The following SHC4 variants were observed in gnomAD, a reference collection of about 807,000 sequenced individuals.
SHC4 encodes SHC-transforming protein 4.
SHC4 carries 41 observed loss-of-function variants against 69.4 expected under a neutral mutation model. The ratio of observed to expected loss-of-function variants is 0.59; its 90% CI spans 0.46 to 0.77. The LOEUF (loss-of-function observed/expected upper bound fraction) is 0.77. SHC4 is among the 30% of genes least tolerant of loss of function. SHC4 has a pLI of 0.00. For missense variants in SHC4, 777 were observed against 783.8 expected, an observed-to-expected ratio of 0.99 and a Z score of 0.10; for synonymous variants, 318 against 299.3, an observed-to-expected ratio of 1.06 and a Z score of -0.64.
chr15:48,900,030 G>A (rs551443464), intron 2 of SHC4, among the ~76,000 whole-genome samples: 35 of 152,312 alleles, frequency 2.3e-4, no homozygotes, highest in African/African-American at 7.9e-4. Flanking sequence ...GTTAGTGCGT[G>A]TTAAGGAATG....
chr15:48,850,281 C>T (rs1365495006), intron 9 of SHC4, among the ~76,000 whole-genome samples: 2 of 151,894 alleles, frequency 1.3e-5, no homozygotes, highest in African/African-American at 2.4e-5. Context: ...TTCACTACTC[C>T]GTTTACAAGA....
At chr15:48,902,534 A>C (rs1900336036) in intron 2 of SHC4, among the ~76,000 whole-genome samples, 1 of 152,092 alleles carries the variant, frequency 6.6e-6, no homozygotes, top group African/African-American at 2.4e-5. Context: ...GGACAGAGGT[A>C]CTCATTCCTC....
intron 2 of SHC4, among the ~76,000 whole-genome samples, chr15:48,921,410 C>T (rs1479770122): frequency 6.6e-6 from 1 of 151,454 alleles, no homozygotes; most frequent in Non-Finnish European, 1.5e-5. Context: ...TCTCGGCTCA[C>T]TGCAACCTCC....
intron 4 of SHC4, 92 bp from the exon 5 acceptor site, chr15:48,872,234 T>G: frequency 1.3e-6 from 1 of 764,122 alleles, no homozygotes; most frequent in Non-Finnish European, 2.0e-6. Context: ...TTGTTTGTTT[T>G]GTTTTTGCCT....
In SHC4 at chr15:48,878,009, T is replaced by C. The variant is rs1437906291; in HGVS notation, c.841-5867A>G. 4.8e-5 allele frequency: 36 copies of C among 754,082 alleles called. No homozygotes were observed. The Middle Eastern group carries it at 2.8e-3, about 59-fold the overall frequency. 46.7% of individuals were successfully genotyped at this position (754,082 alleles called of 1,614,324 possible). On this transcript the variant is annotated intron_variant, in intron 4 of 11. Transcript: ENST00000332408. Reference sequence around the variant, plus strand: ...GACGCCAACACCCCGGAGAAAACACTGAGCTACTCCAACCACAGTGGCGCG... The same window carrying C: ...GACGCCAACACCCCGGAGAAAACACCGAGCTACTCCAACCACAGTGGCGCG...
intron 3 of SHC4, among the ~76,000 whole-genome samples, chr15:48,884,636 T>C (rs918344983): frequency 1.3e-5 from 2 of 152,238 alleles, no homozygotes; most frequent in Admixed American, 6.5e-5. Context: ...AGTGGGCTCC[T>C]GCTTTAATGT....
At chr15:48,843,918 C>G (rs1899041620) in intron 9 of SHC4, among the ~76,000 whole-genome samples, 1 of 152,182 alleles carries the variant, frequency 6.6e-6, no homozygotes, top group African/African-American at 2.4e-5. Context: ...GCAAACAGCA[C>G]AAACCTGCAC....
At chr15:48,862,195 GGT>G (rs1567055442) in intron 6 of SHC4, among the ~76,000 whole-genome samples, 1 of 147,802 alleles carries the variant, frequency 6.8e-6, no homozygotes. Context: ...CTGGTTTTGG[GGT>G]TTTTTTTTTT....
intron 10 of SHC4, among the ~76,000 whole-genome samples, chr15:48,842,802 G>A (rs1002285394): frequency 2.6e-5 from 4 of 152,028 alleles, no homozygotes; most frequent in East Asian, 1.9e-4. Context: ...ATGTTGTTGC[G>A]TGCCTGTAGT....
intron 2 of SHC4, among the ~76,000 whole-genome samples, chr15:48,895,931 A>T (rs1302739651): frequency 3.3e-5 from 5 of 151,938 alleles, no homozygotes; most frequent in Non-Finnish European, 7.4e-5. Context: ...AAATATATAT[A>T]TTTTTAAATT....
Position 48,825,763 on chromosome 15 carries a change from A to T in SHC4, c.*208T>A. The stretch of plus-strand genomic sequence containing the variant: ...CATATAATTTCTTTTAAAATGACCA[A>T]CCCTCTTCCTCTTTTCTGATTTTCA... On this transcript the variant is annotated 3_prime_UTR_variant, in exon 12 of 12. Transcript: ENST00000332408. 1.8e-6 allele frequency: 1 copy of T among 563,348 alleles called. No homozygotes were observed. Among genetic ancestry groups the T allele is most frequent in the African/African-American group, 1.9e-5 (1 of 52,656 alleles). 34.9% of individuals were successfully genotyped at this position (563,348 alleles called of 1,614,324 possible).
chr15:48,934,482 A>G (rs1025832254), intron 1 of SHC4, among the ~76,000 whole-genome samples: 2 of 152,220 alleles, frequency 1.3e-5, no homozygotes, highest in African/African-American at 4.8e-5. Context: ...TGGAACCATC[A>G]TACATTGCTG....
intron 2 of SHC4, among the ~76,000 whole-genome samples, chr15:48,905,088 G>T (rs1185417343): frequency 1.3e-5 from 2 of 152,080 alleles, no homozygotes; most frequent in African/African-American, 4.8e-5. Context: ...CTATGTTTTA[G>T]ATTCTCTAGG....
chr15:48,860,051 A>T (rs1173975984), intron 6 of SHC4, among the ~76,000 whole-genome samples: 4 of 152,210 alleles, frequency 2.6e-5, no homozygotes, highest in Admixed American at 2.0e-4. Context: ...TCTCTAAAAA[A>T]GAAAGAAAGG....
intron 6 of SHC4, among the ~76,000 whole-genome samples, chr15:48,861,688 C>T (rs554396876): frequency 6.6e-6 from 1 of 152,326 alleles, no homozygotes; most frequent in East Asian, 1.9e-4. Flanking sequence ...AGCTTTGCTT[C>T]CCATGTCTGG....
At position 48,862,801 on chromosome 15, in the gene SHC4, G is replaced by T. The variant is rs1232151373; in HGVS notation, c.947-4986C>A. Among the ~76,000 whole-genome samples the T allele has an allele frequency of 2.6e-5, 4 of 152,086 alleles. No individual in the cohort carries two copies. In the East Asian group the frequency reaches 5.8e-4, roughly 22 times the overall value. On this transcript the variant is annotated intron_variant, in intron 6 of 11. Coordinates refer to ENST00000332408, the MANE Select transcript of SHC4 (RefSeq NM_203349.4). ...GAGATGTCTCCTTCAGAAGAACCTT[G>T]CTCTTCCCCTCTGTTAGGTAATACT...
chr15:48,899,657 A>AT (rs995437589), intron 2 of SHC4, among the ~76,000 whole-genome samples: 1 of 151,504 alleles, frequency 6.6e-6, no homozygotes, highest in African/African-American at 2.4e-5. Flanking sequence ...TGGGAATTCC[A>AT]TTTTTTTAAA....
intron 5 of SHC4, among the ~76,000 whole-genome samples, chr15:48,868,633 T>C (rs1206856354): frequency 1.3e-5 from 2 of 152,178 alleles, no homozygotes; most frequent in Non-Finnish European, 2.9e-5. Context: ...ATACACACAA[T>C]TCCATTTGCA....
chr15:48,895,279 A>G (rs554493020), intron 2 of SHC4, among the ~76,000 whole-genome samples: 1 of 152,304 alleles, frequency 6.6e-6, no homozygotes, highest in South Asian at 2.1e-4. Context: ...CGCAATTGAC[A>G]GTGAGAGAGA....
Sources: allele counts gnomAD v4.1 joint callset (sites outside exome capture counted in the v4.1 genomes callset), GRCh38; gene constraint gnomAD v4.1.1; transcripts MANE v1.5; gene names NCBI Gene and HGNC (gene_info 2026-07-23, HGNC 2026-07-21).